The following USP50 variants were observed in gnomAD, a reference collection of about 807,000 sequenced individuals.
USP50 encodes the protein ubiquitin carboxyl-terminal hydrolase 50.
A neutral mutation model predicts 39.2 loss-of-function variants in USP50; 37 were observed. That is an observed-to-expected ratio of 0.94 (90% CI 0.73 to 1.24). The LOEUF is 1.24. Ranked by LOEUF, USP50 falls within the 50% of genes most tolerant of loss-of-function variation. The pLI is 0.00. For synonymous variants in USP50, 139 were observed against 144.5 expected (o/e 0.96, Z 0.27); for missense variants, 374 against 398.2 (o/e 0.94, Z 0.52).
chr15:50,499,224 T>C, downstream of USP50: 1 of 757,304 alleles, frequency 1.3e-6, no homozygotes, highest in Non-Finnish European at 2.0e-6. Flanking sequence ...TTACTAGCAC[T>C]ATATAATTCC....
At chr15:50,531,361 C>A (rs2052939093) in intron 5 of USP50, among the ~76,000 whole-genome samples, 1 of 152,042 alleles carries the variant, frequency 6.6e-6, no homozygotes, top group African/African-American at 2.4e-5. Context: ...GGTACACTCA[C>A]AAAAAGGAAT....
intron 6 of USP50, chr15:50,505,959 C>CAAAAACAAAAGATGCT (rs2052652346): frequency 1.3e-5 from 2 of 152,218 alleles, no homozygotes; most frequent in Non-Finnish European, 1.5e-5. Context: ...GACCCTGTCT[C>CAAAAACAAAAGATGCT]AAAAACAAAA....
chr15:50,541,082 G>C lies in USP50; in HGVS notation c.627C>G (p.Leu209=). The C allele has an allele frequency of 6.2e-7, 1 of 1,613,926 alleles. No individual in the cohort carries two copies. Among genetic ancestry groups the C allele is most frequent in the Non-Finnish European group, 8.5e-7 (1 of 1,179,846 alleles). ...YKNEVFTVFS[L]PIPSKYECSL... Reference sequence around the variant, plus strand: ...AGCATTCATATTTGGATGGAATGGGGAGTGAGAAGACAGTGAAGACTTCGT... The same window carrying C: ...AGCATTCATATTTGGATGGAATGGGCAGTGAGAAGACAGTGAAGACTTCGT... The change falls in exon 4 of 7, where the codon CTC becomes CTG. Residue 209 remains leucine, a synonymous_variant. Coordinates refer to ENST00000532404, the MANE Select transcript of USP50 (RefSeq NM_203494.5).
chr15:50,498,756 T>G (rs1355902192), downstream of USP50: 1 of 1,576,436 alleles, frequency 6.3e-7, no homozygotes, highest in Admixed American at 1.9e-5. Flanking sequence ...CTGAAGACTT[T>G]TTGTTTCAAA....
chr15:50,519,262 G>A (rs138028828), intron 6 of USP50, among the ~76,000 whole-genome samples: 18 of 152,092 alleles, frequency 1.2e-4, no homozygotes, highest in Non-Finnish European at 2.2e-4. Flanking sequence ...ACTCCAGCCT[G>A]GGCAACAGAG....
rs757006077 is a variant in USP50 at position 50,500,855 on chromosome 15, G to A, written c.937-18C>T. 8 of 1,561,992 alleles carry A rather than the reference G, an allele frequency of 5.1e-6. No individual in the cohort carries two copies. In the South Asian group the frequency reaches 8.2e-5, roughly 16 times the overall value. On this transcript the variant is annotated intron_variant, in intron 6 of 6. Transcript: ENST00000532404. ...AAATGGTTCTATGGGAGAAAGGAAT[G>A]TCAAACTTAGTATTCACATATGAAC... is the stretch of plus-strand genomic sequence containing the variant.
At chr15:50,504,890 G>A (rs993071099) in intron 6 of USP50, 3 of 151,994 alleles carry the variant, frequency 2.0e-5, no homozygotes, top group African/African-American at 7.3e-5. Flanking sequence ...GCTGAAGCAG[G>A]AGAATCGCTT....
downstream of USP50, chr15:50,500,069 A>G (rs936054704): frequency 2.0e-5 from 3 of 152,304 alleles, no homozygotes; most frequent in African/African-American, 2.4e-5. Flanking sequence ...TGCTATATAT[A>G]TAGTCAGTAA....
intron 6 of USP50, among the ~76,000 whole-genome samples, chr15:50,526,576 C>T (rs8043156): frequency 0.069 from 10,581 of 152,260 alleles, 547 homozygotes; most frequent in African/African-American, 0.15. Context: ...TTTGCTAATG[C>T]ATATGTACAA....
At chr15:50,493,956 T>C, downstream of USP50, 1 of 1,192,460 alleles carries the variant, frequency 8.4e-7, no homozygotes. Flanking sequence ...ATAAGTAGTT[T>C]AATGTAGTGC....
chr15:50,509,885 G>T (rs2052715542), intron 6 of USP50: 1 of 151,960 alleles, frequency 6.6e-6, no homozygotes, highest in Non-Finnish European at 1.5e-5. Flanking sequence ...AATTGACAAG[G>T]GCCAGGAATA....
At chr15:50,495,357 T>G (rs1447469982) in intron 1 of USP50, among the ~76,000 whole-genome samples, 1 of 102,314 alleles carries the variant, frequency 9.8e-6, no homozygotes, top group Non-Finnish European at 2.1e-5. Context: ...TATATACATA[T>G]ATAGAGAGAG....
chr15:50,515,775 C>G (rs1165370609), intron 6 of USP50, among the ~76,000 whole-genome samples: 5 of 151,942 alleles, frequency 3.3e-5, no homozygotes, highest in Non-Finnish European at 7.4e-5. Flanking sequence ...GTTCTCTTGT[C>G]TGGTAAAACA....
In USP50 at chr15:50,536,434, A is replaced by G. The variant is rs556381420; in HGVS notation, c.803+2275T>C. Among the ~76,000 whole-genome samples the G allele has an allele frequency of 2.6e-5, 4 of 152,298 alleles. No homozygotes were observed. In the South Asian group the frequency reaches 8.3e-4, roughly 32 times the overall value. ...GGTGGGTGGATCACCTGAGGTCAGG[A>G]GTTCAAGACCAGCCTGGCCAACATG... is the stretch of plus-strand genomic sequence containing the variant. On this transcript the variant is annotated intron_variant, in intron 5 of 6. Transcript: ENST00000532404.
At chr15:50,493,421 A>G (rs751986988), downstream of USP50, 3 of 519,080 alleles carry the variant, frequency 5.8e-6, no homozygotes, top group Non-Finnish European at 3.8e-6. Context: ...CAGCTCCAGA[A>G]AAGTCAAATT....
chr15:50,545,082 A>G (rs937799349), intron 1 of USP50, among the ~76,000 whole-genome samples: 1 of 152,188 alleles, frequency 6.6e-6, no homozygotes, highest in East Asian at 1.9e-4. Flanking sequence ...TATTACATAA[A>G]TAAATTAAAT....
At chr15:50,533,487 C>T (rs2052957765) in intron 5 of USP50, among the ~76,000 whole-genome samples, 1 of 151,886 alleles carries the variant, frequency 6.6e-6, no homozygotes, top group South Asian at 2.1e-4. Context: ...GAAAAAAACA[C>T]ACCTATAGAG....
intron 6 of USP50, among the ~76,000 whole-genome samples, chr15:50,525,520 A>G (rs12913704): frequency 3.0e-5 from 3 of 101,320 alleles, no homozygotes; most frequent in African/African-American, 1.3e-4. Context: ...ATATATATGT[A>G]TATATGTATA....
chr15:50,538,901 T>C (rs763622266), intron 4 of USP50, 50 bp from the exon 5 acceptor site: 2 of 1,549,162 alleles, frequency 1.3e-6, no homozygotes, highest in Non-Finnish European at 1.7e-6. Flanking sequence ...AACTGCAACC[T>C]GCACTCTCTG....
Sources: gnomAD v4.1 joint callset for allele counts (sites outside exome capture counted in the v4.1 genomes callset) on GRCh38, gnomAD v4.1.1 for gene constraint, MANE v1.5 for transcripts, NCBI Gene and HGNC (gene_info 2026-07-23, HGNC 2026-07-21) for gene names.